Variants in ELOF1 observed in about 807,000 individuals in gnomAD.
The protein encoded by ELOF1 is elongation factor 1.
ELOF1 carries 4 observed loss-of-function variants against 7.1 expected under a neutral mutation model. The ratio of observed to expected loss-of-function variants is 0.56; its 90% confidence interval spans 0.28 to 1.29. The LOEUF (loss-of-function observed/expected upper bound fraction) is 1.29. Ranked by LOEUF, ELOF1 falls within the 50% of genes most tolerant of loss-of-function variation. ELOF1 has a pLI of 0.10. For missense variants in ELOF1, 59 were observed against 86.3 expected (o/e 0.68, Z 1.25); for synonymous variants, 31 against 31.9 (o/e 0.97, Z 0.09).
At chr19:11,555,179 C>T (rs1188688012) in intron 1 of ELOF1, 4 of 255,218 alleles carry the variant, frequency 1.6e-5, no homozygotes, top group South Asian at 6.3e-5. Flanking sequence ...CTCACCTGAA[C>T]CCAAGAGGCG....
intron 1 of ELOF1, among the ~76,000 whole-genome samples, chr19:11,558,816 T>TG (rs1972871993): frequency 6.6e-6 from 1 of 151,460 alleles, no homozygotes; most frequent in African/African-American, 2.4e-5. Context: ...ATCCCATGAA[T>TG]GGGGTCTGGC....
intron 3 of ELOF1, 60 bp downstream of exon 3, chr19:11,553,951 A>G (rs1972783411): frequency 6.2e-7 from 1 of 1,612,472 alleles, no homozygotes; most frequent in Non-Finnish European, 8.5e-7. Flanking sequence ...CCAGATGAGC[A>G]GGGTCCGGAC....
At chr19:11,553,582 TACACACACACACACACACACACACACAC>T (rs57015096) in intron 3 of ELOF1, 28,816 of 606,092 alleles carry the variant, frequency 0.048, 442 homozygotes, top group Middle Eastern at 0.07. Flanking sequence ...GCACACCCAC[TACACACACACACACACACACACACACAC>T]ACACACACAC....
intron 1 of ELOF1, among the ~76,000 whole-genome samples, chr19:11,558,511 G>A (rs937860900): frequency 1.3e-5 from 2 of 152,006 alleles, no homozygotes; most frequent in Non-Finnish European, 2.9e-5. Context: ...GGAGGCCCAG[G>A]TGGGAAGATC....
intron 3 of ELOF1, chr19:11,553,147 G>A (rs1174202536): frequency 1.2e-5 from 5 of 401,432 alleles, no homozygotes; most frequent in Non-Finnish European, 2.2e-5. Context: ...CGGGCTTCCT[G>A]GTTACCATGG....
intron 1 of ELOF1, among the ~76,000 whole-genome samples, chr19:11,558,074 T>C (rs968199489): frequency 1.3e-5 from 2 of 152,108 alleles, no homozygotes; most frequent in African/African-American, 4.8e-5. Flanking sequence ...ATTAAACATA[T>C]CATGTCCAAA....
chr19:11,556,011 G>T (rs1044819128), intron 1 of ELOF1, among the ~76,000 whole-genome samples: 1 of 152,148 alleles, frequency 6.6e-6, no homozygotes, highest in Admixed American at 6.6e-5. Context: ...AAAATGATGG[G>T]GTTGGGTGGC....
At chr19:11,558,394 G>A (rs1473570739) in intron 1 of ELOF1, among the ~76,000 whole-genome samples, 1 of 151,920 alleles carries the variant, frequency 6.6e-6, no homozygotes, top group Non-Finnish European at 1.5e-5. Context: ...GGCGTTACAA[G>A]CATGAGCCAC....
chr19:11,555,256 C>CA (rs5827127), intron 1 of ELOF1: 2,973 of 87,558 alleles, frequency 0.034, 129 homozygotes, highest in African/African-American at 0.095. Flanking sequence ...GACTCCGTCT[C>CA]AAAAAAAAAA....
At chr19:11,559,063 C>G (rs1328259629) in intron 1 of ELOF1, 128 bp downstream of exon 1, 3 of 152,070 alleles carry the variant, frequency 2.0e-5, no homozygotes, top group Admixed American at 6.6e-5. Flanking sequence ...TCAGTCTCCC[C>G]GACCGGCTTT....
intron 1 of ELOF1, 71 bp from the exon 2 acceptor site, chr19:11,554,436 A>G (rs1972796897): frequency 6.4e-7 from 1 of 1,555,490 alleles, no homozygotes; most frequent in Admixed American, 1.9e-5. Flanking sequence ...TCTAGAAAGC[A>G]GGCCGGAAAG....
chr19:11,554,555 G>A (rs1599619200), intron 1 of ELOF1, 190 bp from the exon 2 acceptor site: 2 of 783,594 alleles, frequency 2.6e-6, no homozygotes, highest in Admixed American at 3.0e-5. Context: ...TGGAAGGGGT[G>A]AGACGAGGCT....
At chr19:11,556,853 C>T (rs1599620724) in intron 1 of ELOF1, among the ~76,000 whole-genome samples, 1 of 152,192 alleles carries the variant, frequency 6.6e-6, no homozygotes, top group African/African-American at 2.4e-5. Context: ...CTTCGGCATG[C>T]CTCCTTTACT....
intron 1 of ELOF1, chr19:11,555,848 GAC>G (rs1224002937): frequency 3.3e-5 from 5 of 153,118 alleles, no homozygotes; most frequent in Non-Finnish European, 7.3e-5. Context: ...GGGTGAGAGA[GAC>G]AGAGGAGACA....
chr19:11,554,547 GAAGGGGTGAGACGAGGCTCT>G, intron 1 of ELOF1, 182 bp from the exon 2 acceptor site: 1 of 850,452 alleles, frequency 1.2e-6, no homozygotes, highest in African/African-American at 1.7e-5. Flanking sequence ...ACTCTGGATG[GAAGGGGTGAGACGAGGCTCT>G]AACCCCATCT....
intron 3 of ELOF1, chr19:11,553,637 G>GT (rs1972773483): frequency 8.9e-7 from 1 of 1,123,964 alleles, no homozygotes; most frequent in African/African-American, 1.6e-5. Flanking sequence ...ACACACGGCT[G>GT]TGACAGCCCA....
intron 1 of ELOF1, chr19:11,554,582 CACTT>C (rs1305508167): frequency 9.7e-6 from 6 of 616,858 alleles, no homozygotes; most frequent in Admixed American, 6.4e-5. Context: ...CCATCTCTCT[CACTT>C]ACTGCGTGAC....
At chr19:11,556,706 AT>A (rs1368995599) in intron 1 of ELOF1, among the ~76,000 whole-genome samples, 5 of 145,364 alleles carry the variant, frequency 3.4e-5, no homozygotes, top group African/African-American at 1.0e-4. Flanking sequence ...CACCCTCTTT[AT>A]TTATCTAAGA....
At chr19:11,553,255 C>T (rs1487521269) in intron 3 of ELOF1, 9 of 396,186 alleles carry the variant, frequency 2.3e-5, no homozygotes, top group Middle Eastern at 6.3e-4. Context: ...AGAAGGAGAG[C>T]GGGAAGTCCA....
Sources: allele counts gnomAD v4.1 joint callset (sites outside exome capture counted in the v4.1 genomes callset), GRCh38; gene constraint gnomAD v4.1.1; transcripts MANE v1.5; gene names NCBI Gene and HGNC (gene_info 2026-07-23, HGNC 2026-07-21).